The following ADORA1 variants were observed in gnomAD, a reference collection of about 807,000 sequenced individuals.
The protein encoded by ADORA1 is adenosine A1 receptor.
Under a neutral mutation model 19.9 loss-of-function variants are expected in ADORA1, and 6 were observed. The ratio of observed to expected loss-of-function variants is 0.30; its 90% CI spans 0.17 to 0.59. ADORA1 has a LOEUF of 0.59. Among genes scored for constraint, ADORA1 ranks in the 20% least tolerant of loss-of-function variants. ADORA1 has a pLI of 0.87. For synonymous variants in ADORA1, 194 were observed against 188.4 expected (o/e 1.03, Z -0.24); for missense variants, 302 against 439.2 (o/e 0.69, Z 2.79).
rs1251803161 is a variant in ADORA1 at position 203,153,947 on chromosome 1, A to G, written c.342-11314A>G. ...GGGAAGGAGGGGACCAGAGCTATGAACTGTCACTCCCTCCCAGCCAAGAGT... is the reference window on the plus strand; with the variant it reads ...GGGAAGGAGGGGACCAGAGCTATGAGCTGTCACTCCCTCCCAGCCAAGAGT... On this transcript the variant is annotated intron_variant, in intron 3 of 3. Coordinates refer to ENST00000337894, the MANE Select transcript of ADORA1 (RefSeq NM_000674.3). Among the ~76,000 whole-genome samples, 6 of 152,262 alleles carry G rather than the reference A, an allele frequency of 3.9e-5. No individual in the cohort carries two copies. In the East Asian group the frequency reaches 1.2e-3, roughly 29 times the overall value.
chr1:203,146,070 G>C (rs1292504228), intron 3 of ADORA1, among the ~76,000 whole-genome samples: 1 of 152,074 alleles, frequency 6.6e-6, no homozygotes, highest in Non-Finnish European at 1.5e-5. Context: ...TGGGAGCCCA[G>C]GGGCTGCCTG....
At chr1:203,141,439 A>G (rs1654686954) in intron 3 of ADORA1, among the ~76,000 whole-genome samples, 1 of 152,016 alleles carries the variant, frequency 6.6e-6, no homozygotes, top group Non-Finnish European at 1.5e-5. Context: ...GCTGGTTCTC[A>G]GCTCCTTTTC....
chr1:203,140,177 C>G (rs1406877224), intron 3 of ADORA1, among the ~76,000 whole-genome samples: 5 of 152,138 alleles, frequency 3.3e-5, no homozygotes, highest in African/African-American at 9.7e-5. Context: ...GTCACTCTGC[C>G]TGCTCTGTGG....
At chr1:203,155,060 T>C (rs1655156908) in intron 3 of ADORA1, among the ~76,000 whole-genome samples, 1 of 148,758 alleles carries the variant, frequency 6.7e-6, no homozygotes, top group Non-Finnish European at 1.5e-5. Flanking sequence ...TTATTATTGT[T>C]ATTTTGAGAC....
intron 3 of ADORA1, chr1:203,150,812 C>A (rs781355227): frequency 8.6e-7 from 1 of 1,158,538 alleles, no homozygotes. Context: ...CTGTCCTCCC[C>A]CTATCTGCTG....
Position 203,165,118 on chromosome 1 carries a change from A to G in ADORA1, c.342-143A>G, listed in dbSNP as rs1200949515. 1 of 1,554,142 alleles carries G rather than the reference A, an allele frequency of 6.4e-7. No homozygotes were observed. The highest frequency in any genetic ancestry group is 2.0e-5 in the Admixed American group (1 of 51,266). ...ATCCTGAAGACTCAGCCCTCGAGCA[A>G]AAGACATGCACCTCCCCACTCACCG... On this transcript the variant is annotated intron_variant, in intron 3 of 3. Transcript: ENST00000337894. This position sits in a 1 kb window ranked among gnomAD's most constrained non-coding sequence, Gnocchi z 5.9.
intron 3 of ADORA1, among the ~76,000 whole-genome samples, chr1:203,134,846 A>G (rs925287072): frequency 6.6e-6 from 1 of 152,286 alleles, no homozygotes; most frequent in Non-Finnish European, 1.5e-5. Flanking sequence ...GAACATCTAT[A>G]TATACATGGT....
chr1:203,164,991 A>G, intron 3 of ADORA1: 1 of 1,511,506 alleles, frequency 6.6e-7, no homozygotes, highest in Non-Finnish European at 8.9e-7. Flanking sequence ...GAAATTCATA[A>G]AGGAGCTCCT....
chr1:203,133,206 C>T (rs1241411805), intron 3 of ADORA1, among the ~76,000 whole-genome samples: 1 of 151,990 alleles, frequency 6.6e-6, no homozygotes, highest in Non-Finnish European at 1.5e-5. Context: ...CTCCACCTCC[C>T]AGGTTCAAGC....
At chr1:203,147,860 C>T (rs1654904033) in intron 3 of ADORA1, among the ~76,000 whole-genome samples, 1 of 152,192 alleles carries the variant, frequency 6.6e-6, no homozygotes. Context: ...TGTTTTGAAA[C>T]ATTACGTTGT....
chr1:203,164,434 T>G (rs1361346656), intron 3 of ADORA1, among the ~76,000 whole-genome samples: 1 of 152,232 alleles, frequency 6.6e-6, no homozygotes, highest in African/African-American at 2.4e-5. Context: ...TATGCATGCG[T>G]AAATGCATGA....
intron 3 of ADORA1, among the ~76,000 whole-genome samples, chr1:203,157,144 G>A (rs1655222277): frequency 6.6e-6 from 1 of 152,240 alleles, no homozygotes; most frequent in South Asian, 2.1e-4. Flanking sequence ...AAAGTCCTAA[G>A]TCCAGAGTCT....
chr1:203,164,846 C>T (rs372893348), intron 3 of ADORA1, among the ~76,000 whole-genome samples: 3 of 152,316 alleles, frequency 2.0e-5, no homozygotes, highest in African/African-American at 7.2e-5. Flanking sequence ...CCTCAGTTTC[C>T]TCATCTGCCA....
At chr1:203,160,862 C>T (rs916394578) in intron 3 of ADORA1, among the ~76,000 whole-genome samples, 18 of 152,148 alleles carry the variant, frequency 1.2e-4, no homozygotes, top group Non-Finnish European at 2.1e-4. Flanking sequence ...TAAATGTTAG[C>T]GCTTACCAGC....
At chr1:203,143,212 C>T (rs998444297) in intron 3 of ADORA1, among the ~76,000 whole-genome samples, 5 of 152,170 alleles carry the variant, frequency 3.3e-5, no homozygotes, top group Non-Finnish European at 5.9e-5. Flanking sequence ...GTGCTGGGGT[C>T]TGATGAGGGC....
intron 3 of ADORA1, among the ~76,000 whole-genome samples, chr1:203,145,846 G>A (rs1256141086): frequency 2.6e-5 from 4 of 152,334 alleles, no homozygotes; most frequent in South Asian, 2.1e-4. Flanking sequence ...TGCGGTTGGG[G>A]TGGACAGTGT....
chr1:203,135,585 G>C (rs572572954), intron 3 of ADORA1, among the ~76,000 whole-genome samples: 166 of 150,970 alleles, frequency 1.1e-3, no homozygotes, highest in African/African-American at 4.0e-3. Flanking sequence ...ATGAATCCAA[G>C]AGGCAGATGT....
Position 203,134,193 on chromosome 1 carries a change from T to A in ADORA1, c.341+5011T>A, listed in dbSNP as rs368150262. Among the ~76,000 whole-genome samples, 68 of 152,056 alleles carry A rather than the reference T, an allele frequency of 4.5e-4. 1 individual carries two copies. The South Asian group carries it at 6.7e-3, about 15-fold the overall frequency. ...TTACGCAAGATTACTTGGCTGGGAG[T>A]TCTTTCCTCCTCCCATCTGGATGCT... On this transcript the variant is annotated intron_variant, in intron 3 of 3. Coordinates refer to ENST00000337894, the MANE Select transcript of ADORA1 (RefSeq NM_000674.3).
intron 3 of ADORA1, among the ~76,000 whole-genome samples, chr1:203,146,431 C>A (rs1425799878): frequency 1.3e-5 from 2 of 151,874 alleles, no homozygotes; most frequent in African/African-American, 4.8e-5. Context: ...GAGTTTGAGA[C>A]CACTTGGGCA....
Sources: gnomAD v4.1 joint callset for allele counts (sites outside exome capture counted in the v4.1 genomes callset) on GRCh38, gnomAD v4.1.1 for gene constraint, Gnocchi (gnomAD v3.1) non-coding constraint, MANE v1.5 for transcripts, NCBI Gene and HGNC (gene_info 2026-07-23, HGNC 2026-07-21) for gene names.